The following STAG1 variants were observed in gnomAD, a reference collection of about 807,000 sequenced individuals.
STAG1 encodes STAG1 cohesin complex component.
STAG1 carries 26 observed loss-of-function variants against 170.9 expected under a neutral mutation model. That is an observed-to-expected ratio of 0.15 (90% CI 0.11 to 0.21). STAG1 has a LOEUF of 0.21. Ranked by LOEUF, STAG1 falls within the 10% of genes least tolerant of loss-of-function variation. The probability of loss-of-function intolerance (pLI) is 1.00; values close to 1 mark genes in which losing one functional copy is unlikely to be tolerated. For synonymous variants in STAG1, 514 were observed against 497.7 expected (o/e 1.03, Z -0.44); for missense variants, 964 against 1,509.5 (o/e 0.64, Z 5.99).
At chr3:136,642,354 C>T (rs1940838282) in intron 1 of STAG1, among the ~76,000 whole-genome samples, 1 of 146,022 alleles carries the variant, frequency 6.8e-6, no homozygotes, top group Non-Finnish European at 1.5e-5. Context: ...TCACTGCAAC[C>T]TCCGCCTCCT....
intron 31 of STAG1, 90 bp downstream of exon 31, chr3:136,341,351 G>T: frequency 1.2e-6 from 1 of 850,556 alleles, no homozygotes. Context: ...TAACTCCTAA[G>T]ACCAAACATC....
chr3:136,544,622 G>A (rs1264060535), intron 5 of STAG1, among the ~76,000 whole-genome samples: 1 of 151,772 alleles, frequency 6.6e-6, no homozygotes, highest in African/African-American at 2.4e-5. Flanking sequence ...AAAACAGCCG[G>A]GTGTGGGTGG....
chr3:136,669,063 C>T (rs769216261), intron 1 of STAG1, among the ~76,000 whole-genome samples: 3 of 152,172 alleles, frequency 2.0e-5, no homozygotes, highest in Non-Finnish European at 2.9e-5. Context: ...CTCCTTCAAC[C>T]GCAACAGCTC....
chr3:136,580,910 T>G (rs1290183767), intron 4 of STAG1, among the ~76,000 whole-genome samples: 3 of 152,214 alleles, frequency 2.0e-5, no homozygotes, highest in African/African-American at 7.2e-5. Context: ...TTACTACATC[T>G]AGACTCTACT....
At chr3:136,520,485 C>G (rs949147153) in intron 7 of STAG1, among the ~76,000 whole-genome samples, 2 of 151,850 alleles carry the variant, frequency 1.3e-5, no homozygotes, top group African/African-American at 2.4e-5. Flanking sequence ...ACACACACTC[C>G]ATTATGAATG....
chr3:136,490,011 CTAGAGT>C (rs2107843103), intron 9 of STAG1, among the ~76,000 whole-genome samples: 1 of 152,110 alleles, frequency 6.6e-6, no homozygotes, highest in South Asian at 2.1e-4. Flanking sequence ...TTCAGGCTTA[CTAGAGT>C]TATTTAATTT....
intron 1 of STAG1, among the ~76,000 whole-genome samples, chr3:136,656,141 G>T (rs986292596): frequency 2.0e-4 from 30 of 150,898 alleles, no homozygotes; most frequent in Admixed American, 1.9e-3. Context: ...TATGCTAAGT[G>T]AAATTAGCGA....
chr3:136,734,253 T>G (rs1025053497), intron 1 of STAG1, among the ~76,000 whole-genome samples: 2 of 152,100 alleles, frequency 1.3e-5, no homozygotes, highest in African/African-American at 4.8e-5. Flanking sequence ...TAACCTGATA[T>G]AATCATGGTC....
chr3:136,449,680 T>C (rs981942313), intron 14 of STAG1, among the ~76,000 whole-genome samples: 5 of 151,972 alleles, frequency 3.3e-5, no homozygotes, highest in Non-Finnish European at 5.9e-5. Flanking sequence ...CATCTGAAAA[T>C]TGTGCAGTAA....
chr3:136,347,257 G>A (rs1477670969), intron 29 of STAG1, among the ~76,000 whole-genome samples: 1 of 151,376 alleles, frequency 6.6e-6, no homozygotes, highest in Non-Finnish European at 1.5e-5. Context: ...TTAGCTGGGC[G>A]TGGCGGTGGG....
chr3:136,441,168 G>A (rs1207480441), intron 15 of STAG1, among the ~76,000 whole-genome samples: 1 of 151,920 alleles, frequency 6.6e-6, no homozygotes. Flanking sequence ...GAGTAGATGG[G>A]ATTACAAGTG....
chr3:136,563,546 TCTCTCTCTCG>T (rs1269478880), intron 5 of STAG1, among the ~76,000 whole-genome samples: 4 of 151,286 alleles, frequency 2.6e-5, no homozygotes, highest in Admixed American at 1.3e-4. Context: ...ACTCTCTCTC[TCTCTCTCTCG>T]CTCTTTAGGT....
chr3:136,428,645 A>G (rs886982003), intron 16 of STAG1, among the ~76,000 whole-genome samples: 6 of 152,164 alleles, frequency 3.9e-5, no homozygotes, highest in Non-Finnish European at 7.4e-5. Flanking sequence ...ACCACTGAAA[A>G]TGCCATTGTT....
intron 7 of STAG1, among the ~76,000 whole-genome samples, chr3:136,503,406 C>T (rs1289689453): frequency 1.3e-5 from 2 of 152,174 alleles, no homozygotes; most frequent in South Asian, 4.2e-4. Context: ...TAAACGTTCA[C>T]TTGTATTTGT....
intron 28 of STAG1, among the ~76,000 whole-genome samples, chr3:136,350,902 G>T (rs563380580): frequency 2.0e-5 from 3 of 152,222 alleles, no homozygotes; most frequent in African/African-American, 7.2e-5. Context: ...CAAAACAGCC[G>T]GAAGTTCAAC....
intron 26 of STAG1, among the ~76,000 whole-genome samples, chr3:136,359,589 G>T (rs1936780963): frequency 6.6e-6 from 1 of 152,180 alleles, no homozygotes; most frequent in Admixed American, 6.5e-5. Context: ...GAGTGCAGTG[G>T]TGGGATCTCA....
chr3:136,658,510 A>G (rs1212833440), intron 1 of STAG1, among the ~76,000 whole-genome samples: 1 of 152,002 alleles, frequency 6.6e-6, no homozygotes, highest in East Asian at 1.9e-4. Flanking sequence ...CTGTAACATA[A>G]TCAGTTCATC....
At chr3:136,469,903 G>A (rs1398479029) in intron 12 of STAG1, among the ~76,000 whole-genome samples, 7 of 152,086 alleles carry the variant, frequency 4.6e-5, no homozygotes, top group South Asian at 2.1e-4. Flanking sequence ...CCTATTTAAT[G>A]AATGGTGCTG....
intron 14 of STAG1, among the ~76,000 whole-genome samples, chr3:136,443,627 C>A (rs2088694007): frequency 1.3e-5 from 2 of 152,140 alleles, no homozygotes; most frequent in African/African-American, 4.8e-5. Flanking sequence ...AAGTAAGGAT[C>A]TCCTAGTCCA....
Sources: allele counts gnomAD v4.1 joint callset (sites outside exome capture counted in the v4.1 genomes callset), GRCh38; gene constraint gnomAD v4.1.1; transcripts MANE v1.5; gene names NCBI Gene and HGNC (gene_info 2026-07-23, HGNC 2026-07-21).